The following LRRC4C variants were observed in gnomAD, a reference collection of about 807,000 sequenced individuals.
LRRC4C encodes the protein leucine rich repeat containing 4C, also known as leucine-rich repeat-containing protein 4C.
LRRC4C carries 5 observed loss-of-function variants against 33.6 expected under a neutral mutation model. That is an observed-to-expected ratio of 0.15 (90% CI 0.08 to 0.31). The LOEUF (loss-of-function observed/expected upper bound fraction) is 0.31. Among genes scored for constraint, LRRC4C ranks in the 10% least tolerant of loss-of-function variants. The pLI is 1.00. For missense variants in LRRC4C, 560 were observed against 796.7 expected (o/e 0.70, Z 3.58); for synonymous variants, 329 against 302.0 (o/e 1.09, Z -0.93).
intron 5 of LRRC4C, among the ~76,000 whole-genome samples, chr11:40,157,229 C>T (rs1858773056): frequency 6.6e-6 from 1 of 152,114 alleles, no homozygotes; most frequent in Admixed American, 6.5e-5. Context: ...GAAACTGGAT[C>T]CTCATCTCTC....
chr11:41,236,175 T>C (rs1200527177), intron 1 of LRRC4C, among the ~76,000 whole-genome samples: 1 of 152,100 alleles, frequency 6.6e-6, no homozygotes. Flanking sequence ...CGCTTCACCT[T>C]CCATCTAGTG....
chr11:40,906,673 T>A (rs1385828301), intron 2 of LRRC4C, among the ~76,000 whole-genome samples: 1 of 152,168 alleles, frequency 6.6e-6, no homozygotes, highest in African/African-American at 2.4e-5. Context: ...ACCTCCAATA[T>A]GTCTGAGTAT....
intron 2 of LRRC4C, among the ~76,000 whole-genome samples, chr11:40,700,293 G>A (rs908564159): frequency 6.6e-6 from 1 of 151,970 alleles, no homozygotes; most frequent in South Asian, 2.1e-4. Flanking sequence ...AGAAACACAC[G>A]CAGGTTTTTA....
At chr11:40,462,320 C>A (rs904615651) in intron 3 of LRRC4C, among the ~76,000 whole-genome samples, 2 of 151,988 alleles carry the variant, frequency 1.3e-5, no homozygotes, top group African/African-American at 4.8e-5. Flanking sequence ...TATGTAGGAA[C>A]AATTGGAAGC....
intron 1 of LRRC4C, among the ~76,000 whole-genome samples, chr11:41,147,254 T>C (rs980419642): frequency 6.6e-6 from 1 of 152,158 alleles, no homozygotes; most frequent in African/African-American, 2.4e-5. Context: ...AGGTAAAACA[T>C]CCTTAGTAGG....
intron 2 of LRRC4C, among the ~76,000 whole-genome samples, chr11:40,790,101 G>A (rs994302096): frequency 1.3e-5 from 2 of 152,096 alleles, no homozygotes; most frequent in Non-Finnish European, 2.9e-5. Context: ...TAAAGATAGA[G>A]GTAGTTATCA....
At chr11:41,363,503 C>G (rs1761013600) in intron 1 of LRRC4C, among the ~76,000 whole-genome samples, 1 of 152,168 alleles carries the variant, frequency 6.6e-6, no homozygotes, top group African/African-American at 2.4e-5. Flanking sequence ...AATTTACCTT[C>G]TCAGGACTAA....
At chr11:41,271,556 TTAAAC>T (rs199565883) in intron 1 of LRRC4C, among the ~76,000 whole-genome samples, 6,904 of 152,202 alleles carry the variant, frequency 0.045, 197 homozygotes, top group South Asian at 0.074. Context: ...CTGCCCCTCA[TTAAAC>T]TAACTGAACT....
intron 2 of LRRC4C, among the ~76,000 whole-genome samples, chr11:40,663,107 G>A (rs535452691): frequency 6.6e-6 from 1 of 152,252 alleles, no homozygotes; most frequent in African/African-American, 2.4e-5. Flanking sequence ...TTGAGACGGA[G>A]TCTCACTCTG....
intron 1 of LRRC4C, among the ~76,000 whole-genome samples, chr11:41,199,973 C>T (rs967368960): frequency 9.2e-5 from 14 of 152,162 alleles, no homozygotes; most frequent in East Asian, 1.9e-4. Context: ...TCATACAGCT[C>T]GTGAGCCTAA....
At chr11:41,268,203 G>T (rs544244742) in intron 1 of LRRC4C, among the ~76,000 whole-genome samples, 2 of 152,036 alleles carry the variant, frequency 1.3e-5, no homozygotes, top group Admixed American at 1.3e-4. Flanking sequence ...AGTTCTGCTG[G>T]GGGCCTGCCA....
At chr11:41,103,567 T>C (rs73484655) in intron 1 of LRRC4C, among the ~76,000 whole-genome samples, 1,784 of 152,054 alleles carry the variant, frequency 0.012, 31 homozygotes, top group African/African-American at 0.041. Context: ...CGACAGACTT[T>C]CCTCACTAAA....
At chr11:40,640,943 G>A (rs970340231) in intron 3 of LRRC4C, among the ~76,000 whole-genome samples, 2 of 150,848 alleles carry the variant, frequency 1.3e-5, no homozygotes, top group Admixed American at 6.6e-5. Flanking sequence ...GTGAACCTGG[G>A]AGGCGGAGCT....
In LRRC4C at chr11:40,380,292, T is replaced by A. The variant is rs549296947; in HGVS notation, c.-269-60571A>T. 5.8e-4 allele frequency among the ~76,000 whole-genome samples: 89 copies of A among 152,200 alleles called. 1 individual carries two copies. In the Middle Eastern group the frequency reaches 0.01, roughly 17 times the overall value. On this transcript the variant is annotated intron_variant, in intron 3 of 6. Coordinates refer to ENST00000528697, the MANE Select transcript of LRRC4C (RefSeq NM_001258419.2). ...TAATCAGGCAAGGTTTTTGTGGTGG[T>A]TTATGTTTTAAATCTTCCAAAGAAT...
chr11:40,902,651 C>G (rs1188963075), intron 2 of LRRC4C, among the ~76,000 whole-genome samples: 3 of 152,164 alleles, frequency 2.0e-5, no homozygotes, highest in Non-Finnish European at 4.4e-5. Context: ...AAGTGCTCCT[C>G]CGGTGACCAT....
intron 1 of LRRC4C, among the ~76,000 whole-genome samples, chr11:41,105,148 C>A (rs1324624986): frequency 6.6e-6 from 1 of 151,890 alleles, no homozygotes. Context: ...ATCTTCATTG[C>A]CCCAACTTAT....
chr11:41,053,458 A>G (rs558520197), intron 1 of LRRC4C, among the ~76,000 whole-genome samples: 2 of 152,226 alleles, frequency 1.3e-5, no homozygotes, highest in Non-Finnish European at 2.9e-5. Context: ...AAAGCTGGAT[A>G]AAAACCAAGA....
intron 1 of LRRC4C, among the ~76,000 whole-genome samples, chr11:41,431,532 C>T (rs1382236588): frequency 2.0e-5 from 3 of 151,970 alleles, no homozygotes; most frequent in African/African-American, 7.2e-5. Context: ...GAAAAATAAA[C>T]TAGTCATCCA....
At chr11:40,385,863 C>CAAATAAATAAATAAAAAAAT in intron 3 of LRRC4C, among the ~76,000 whole-genome samples, 1 of 138,140 alleles carries the variant, frequency 7.2e-6, no homozygotes, top group African/African-American at 2.7e-5. Flanking sequence ...GAGACTCTGT[C>CAAATAAATAAATAAAAAAAT]AAATAAATAA....
Sources: gnomAD v4.1 joint callset for allele counts (sites outside exome capture counted in the v4.1 genomes callset) on GRCh38, gnomAD v4.1.1 for gene constraint, MANE v1.5 for transcripts, NCBI Gene and HGNC (gene_info 2026-07-23, HGNC 2026-07-21) for gene names.